Variants in MTMR14 observed in about 807,000 individuals in gnomAD.
MTMR14 encodes the protein myotubularin related protein 14.
In MTMR14, 48 loss-of-function variants were observed where a neutral mutation model predicts 86.3. That is an observed-to-expected ratio of 0.56 (90% CI 0.44 to 0.71). The LOEUF (loss-of-function observed/expected upper bound fraction) is 0.71. Among genes scored for constraint, MTMR14 ranks in the 30% least tolerant of loss-of-function variants. MTMR14 has a pLI of 0.00. For missense variants in MTMR14, 780 were observed against 834.6 expected (o/e 0.93, Z 0.81); for synonymous variants, 366 against 326.1 (o/e 1.12, Z -1.32).
rs1372497793 is a variant in MTMR14, at chr3:9,702,062, C to T, written c.*89C>T. On this transcript the variant is annotated 3_prime_UTR_variant, in exon 19 of 19. Coordinates refer to ENST00000296003, the MANE Select transcript of MTMR14 (RefSeq NM_001077525.3). The stretch of plus-strand genomic sequence containing the variant: ...CCATGCCTGGCCGAAGGGGTACTTC[C>T]AGGTCAGGGGAAATTTCAGTCCCCC... 2 of 1,545,972 alleles carry T rather than the reference C, an allele frequency of 1.3e-6. No individual in the cohort carries two copies. Among genetic ancestry groups the T allele is most frequent in the South Asian group, 2.3e-5 (2 of 88,872 alleles).
chr3:9,687,133 C>G lies in MTMR14; in HGVS notation c.1165-688C>G, dbSNP rs9825962. Among the ~76,000 whole-genome samples the G allele has an allele frequency of 8.8e-3, 1,343 of 152,350 alleles. 17 individuals are homozygous for G. Among genetic ancestry groups the G allele is most frequent in the African/African-American group, 0.03 (1,248 of 41,580 alleles). On this transcript the variant is annotated intron_variant, in intron 13 of 18. Transcript: ENST00000296003. Reference sequence around the variant, plus strand: ...TATTCTCCCTGCGCCCAAGTCATCTCTCCCGCAGCTATCCTTCCCTGTTAG... The same window carrying G: ...TATTCTCCCTGCGCCCAAGTCATCTGTCCCGCAGCTATCCTTCCCTGTTAG...
chr3:9,677,465 T>TG lies in MTMR14; in HGVS notation c.822+82dup, dbSNP rs2075621194. 3.1e-6 allele frequency: 4 copies of TG among 1,304,856 alleles called. No homozygotes were observed. The highest frequency in any genetic ancestry group is 4.4e-6 in the Non-Finnish European group (4 of 899,766). 80.8% of individuals were successfully genotyped at this position (1,304,856 alleles called of 1,614,324 possible). A position where few individuals can be genotyped will look rare whatever the true frequency, so the allele number is the denominator to read the frequency against. On this transcript the variant is annotated intron_variant, in intron 8 of 18. Transcript: ENST00000296003. The surrounding 1 kb of genome is among the most constrained non-coding windows in gnomAD (Gnocchi z 4.2). ...GCCAAGGAGAACAACAAGCAGTCTTTGGGGAAAACAACAAGCAGTCTTTGG... is the reference window on the plus strand; with the variant it reads ...GCCAAGGAGAACAACAAGCAGTCTTTGGGGGAAAACAACAAGCAGTCTTTGG...
intron 14 of MTMR14, 93 bp downstream of exon 14, chr3:9,687,984 C>T: frequency 9.5e-7 from 1 of 1,057,508 alleles, no homozygotes; most frequent in Non-Finnish European, 1.4e-6. Context: ...TCATTCCCGC[C>T]CTGCCTCCCT....
Position 9,684,980 on chromosome 3 carries a change from A to C in MTMR14, c.1127+16A>C. ...TCCTCTTCGGGTAAGCCTTTGCAGGAGTTGGGTTTTGGGGCCTTAGTAACA... is the reference window on the plus strand; with the variant it reads ...TCCTCTTCGGGTAAGCCTTTGCAGGCGTTGGGTTTTGGGGCCTTAGTAACA... On this transcript the variant is annotated intron_variant, in intron 12 of 18. Coordinates refer to ENST00000296003, the MANE Select transcript of MTMR14 (RefSeq NM_001077525.3). The C allele has an allele frequency of 6.2e-7, 1 of 1,613,350 alleles. No homozygotes were observed. The highest frequency in any genetic ancestry group is 8.5e-7 in the Non-Finnish European group (1 of 1,179,478).
chr3:9,682,389 A>G (rs1465208950), intron 9 of MTMR14, among the ~76,000 whole-genome samples: 1 of 152,108 alleles, frequency 6.6e-6, no homozygotes, highest in African/African-American at 2.4e-5. Flanking sequence ...GCCCCAGAAC[A>G]CTGCTAAGCA....
intron 9 of MTMR14, among the ~76,000 whole-genome samples, chr3:9,678,295 T>G (rs1410327833): frequency 6.6e-6 from 1 of 152,238 alleles, no homozygotes; most frequent in Non-Finnish European, 1.5e-5. Context: ...TTCAAAGATT[T>G]GCATCCACCA....
intron 13 of MTMR14, among the ~76,000 whole-genome samples, chr3:9,686,972 C>T (rs2075979846): frequency 6.6e-6 from 1 of 152,252 alleles, no homozygotes; most frequent in Non-Finnish European, 1.5e-5. Context: ...AGACCTGACC[C>T]TCACAGCTCC....
intron 2 of MTMR14, among the ~76,000 whole-genome samples, chr3:9,655,938 C>G (rs1313604578): frequency 6.6e-6 from 1 of 151,930 alleles, no homozygotes; most frequent in Non-Finnish European, 1.5e-5. Flanking sequence ...GGCGTGCTGG[C>G]TCACACCTGT....
intron 2 of MTMR14, among the ~76,000 whole-genome samples, chr3:9,655,410 C>A (rs1475788485): frequency 6.6e-6 from 1 of 151,532 alleles, no homozygotes; most frequent in Admixed American, 6.6e-5. Context: ...TCTCCTGGGC[C>A]TTCTGGAATC....
intron 2 of MTMR14, among the ~76,000 whole-genome samples, chr3:9,661,471 G>T (rs947988651): frequency 2.0e-5 from 3 of 152,166 alleles, no homozygotes; most frequent in African/African-American, 7.2e-5. Context: ...CTCACCTCCT[G>T]GTTCCTAATG....
chr3:9,701,688 C>T lies in MTMR14; in HGVS notation c.1770-102C>T, dbSNP rs1423899005. ...AGGACAGACACTGGCCTTGTACAGT[C>T]AGAAGAAGCACAAGGACAGGTGGTA... On this transcript the variant is annotated intron_variant, in intron 18 of 18. Coordinates refer to ENST00000296003, the MANE Select transcript of MTMR14 (RefSeq NM_001077525.3). This position sits in a 1 kb window ranked among gnomAD's most constrained non-coding sequence, Gnocchi z 4.2. 7.4e-7 allele frequency: 1 copy of T among 1,346,800 alleles called. No individual in the cohort carries two copies. The highest frequency in any genetic ancestry group is 1.0e-6 in the Non-Finnish European group (1 of 961,566). The allele number at this position is 1,346,800 out of a possible 1,614,324, so 83.4% of individuals were successfully genotyped here.
chr3:9,697,437 G>C (rs1417159133), intron 17 of MTMR14, among the ~76,000 whole-genome samples: 1 of 152,180 alleles, frequency 6.6e-6, no homozygotes, highest in Non-Finnish European at 1.5e-5. Context: ...CCAGGCTGTG[G>C]CTCCGATTCA....
intron 4 of MTMR14, 136 bp downstream of exon 4, chr3:9,668,930 G>C (rs1483194391): frequency 1.1e-6 from 1 of 895,550 alleles, no homozygotes; most frequent in Non-Finnish European, 1.8e-6. Flanking sequence ...CCGAGGTCAG[G>C]AGTTCGAGAC....
Position 9,677,882 on chromosome 3 carries a change from C to A in MTMR14, c.823-102C>A. ...AGGTATCTGGCCCAGAGAAGGCAAGCACTGCCTGTGGTAGTCACAGCCTCA... is the reference window on the plus strand; with the variant it reads ...AGGTATCTGGCCCAGAGAAGGCAAGAACTGCCTGTGGTAGTCACAGCCTCA... On this transcript the variant is annotated intron_variant, in intron 8 of 18. Transcript: ENST00000296003. This position sits in a 1 kb window ranked among gnomAD's most constrained non-coding sequence, Gnocchi z 4.2. 1.0e-6 allele frequency: 1 copy of A among 1,002,892 alleles called. No individual in the cohort carries two copies. The highest frequency in any genetic ancestry group is 1.5e-6 in the Non-Finnish European group (1 of 654,582). The allele number at this position is 1,002,892 out of a possible 1,614,324, so 62.1% of individuals were successfully genotyped here. A position where few individuals can be genotyped will look rare whatever the true frequency, so the allele number is the denominator to read the frequency against.
In MTMR14 at chr3:9,662,334, A is replaced by C. The variant is rs2047989415; in HGVS notation, c.376A>C (p.Arg126=). Residue 126 remains arginine, a synonymous_variant, in exon 3 of 19, where the codon AGA becomes CGA. Coordinates refer to ENST00000296003, the MANE Select transcript of MTMR14 (RefSeq NM_001077525.3). ...CCACCGCAGCAAGATGGCCCGGTGCAGAGGACGGTTTGTCTGCCCAGTAAT... is the reference window on the plus strand; with the variant it reads ...CCACCGCAGCAAGATGGCCCGGTGCCGAGGACGGTTTGTCTGCCCAGTAAT... ...LIHRSKMARC[R]GRFVCPVILF... is the part of the protein sequence containing the mutation. 1.2e-6 allele frequency: 2 copies of C among 1,613,824 alleles called. No individual in the cohort carries two copies. The highest frequency in any genetic ancestry group is 1.7e-6 in the Non-Finnish European group (2 of 1,179,992).
chr3:9,653,147 A>C (rs1254403791), intron 1 of MTMR14, among the ~76,000 whole-genome samples: 1 of 151,846 alleles, frequency 6.6e-6, no homozygotes, highest in Non-Finnish European at 1.5e-5. Context: ...AGACAGGAGA[A>C]TCGCTTGAAC....
At chr3:9,691,720 G>A (rs562466187) in intron 17 of MTMR14, among the ~76,000 whole-genome samples, 4 of 152,286 alleles carry the variant, frequency 2.6e-5, no homozygotes, top group South Asian at 2.1e-4. Flanking sequence ...CTTGCAGGGC[G>A]TGTCTCAGGC....
At chr3:9,679,422 C>T (rs2075687470) in intron 9 of MTMR14, among the ~76,000 whole-genome samples, 1 of 152,188 alleles carries the variant, frequency 6.6e-6, no homozygotes, top group Admixed American at 6.5e-5. Flanking sequence ...CTGCCCCAAG[C>T]CACCCTCTTT....
chr3:9,680,913 C>CA (rs1245279656), intron 9 of MTMR14, among the ~76,000 whole-genome samples: 1 of 152,216 alleles, frequency 6.6e-6, no homozygotes, highest in Non-Finnish European at 1.5e-5. Flanking sequence ...CTGCCAGAAA[C>CA]ACGTGTCTCC....
Sources: allele counts gnomAD v4.1 joint callset (sites outside exome capture counted in the v4.1 genomes callset), GRCh38; gene constraint gnomAD v4.1.1; non-coding constraint Gnocchi (gnomAD v3.1); transcripts MANE v1.5; gene names NCBI Gene and HGNC (gene_info 2026-07-23, HGNC 2026-07-21).